Variants in SARNP observed in about 807,000 individuals in gnomAD.
SARNP encodes the protein SAP domain-containing ribonucleoprotein.
Under a neutral mutation model 38.1 loss-of-function variants are expected in SARNP, and 5 were observed. That is an observed-to-expected ratio of 0.13 (90% CI 0.07 to 0.28). The LOEUF (loss-of-function observed/expected upper bound fraction) is 0.28, where lower values mean the gene tolerates loss of function less well. Ranked by LOEUF, SARNP falls within the 10% of genes least tolerant of loss-of-function variation. The pLI, the probability that SARNP is intolerant of heterozygous loss-of-function variation, is 1.00. For missense variants in SARNP, 180 were observed against 243.9 expected, an observed-to-expected ratio of 0.74 and a Z score of 1.75; for synonymous variants, 84 against 80.6, an observed-to-expected ratio of 1.04 and a Z score of -0.23.
intron 1 of SARNP, among the ~76,000 whole-genome samples, chr12:55,808,672 G>C (rs563776751): frequency 6.6e-6 from 1 of 151,830 alleles, no homozygotes; most frequent in African/African-American, 2.4e-5. Flanking sequence ...GAGGTGGGAG[G>C]AACGCTTGAA....
At chr12:55,816,062 G>C (rs1764781625) in intron 1 of SARNP, 1 of 152,170 alleles carries the variant, frequency 6.6e-6, no homozygotes, top group Admixed American at 6.5e-5. Flanking sequence ...TTACGTAAAA[G>C]TTACTTATCC....
chr12:55,763,785 G>A (rs990657048), intron 9 of SARNP, among the ~76,000 whole-genome samples: 1 of 152,076 alleles, frequency 6.6e-6, no homozygotes, highest in Admixed American at 6.6e-5. Context: ...CTATGGAGTA[G>A]GCACAGCAAT....
At chr12:55,764,832 C>CA (rs1162009254) in intron 9 of SARNP, among the ~76,000 whole-genome samples, 5,081 of 61,808 alleles carry the variant, frequency 0.082, 198 homozygotes, top group Non-Finnish European at 0.14. Context: ...CTCTGTCTCA[C>CA]AAAAAAAAAA....
intron 9 of SARNP, among the ~76,000 whole-genome samples, chr12:55,788,598 A>T (rs568766791): frequency 3.3e-5 from 5 of 152,252 alleles, no homozygotes; most frequent in African/African-American, 1.2e-4. Flanking sequence ...GGAGTTTGAG[A>T]CCAGCTTGGG....
chr12:55,764,203 T>C (rs1488900867), intron 9 of SARNP, among the ~76,000 whole-genome samples: 2 of 152,200 alleles, frequency 1.3e-5, no homozygotes, highest in African/African-American at 4.8e-5. Flanking sequence ...TTTTGCTTAA[T>C]TGGCTATTCC....
intron 10 of SARNP, among the ~76,000 whole-genome samples, chr12:55,760,219 CCAGA>C (rs1335478348): frequency 1.3e-5 from 2 of 152,032 alleles, no homozygotes; most frequent in Non-Finnish European, 2.9e-5. Flanking sequence ...AGGTGGGTGG[CCAGA>C]CATAGTGGCT....
At chr12:55,807,909 T>C (rs1880204694) in intron 1 of SARNP, among the ~76,000 whole-genome samples, 1 of 152,172 alleles carries the variant, frequency 6.6e-6, no homozygotes, top group African/African-American at 2.4e-5. Context: ...AGTCTTTTGA[T>C]CTTAATTACA....
chr12:55,801,365 C>A (rs1242064086), intron 2 of SARNP, among the ~76,000 whole-genome samples: 1 of 152,082 alleles, frequency 6.6e-6, no homozygotes, highest in Admixed American at 6.6e-5. Flanking sequence ...ATTACTTGAA[C>A]CCAGAAGGCA....
intron 9 of SARNP, among the ~76,000 whole-genome samples, chr12:55,774,882 TG>T (rs1484586192): frequency 1.6e-4 from 23 of 142,824 alleles, no homozygotes; most frequent in East Asian, 1.4e-3. Flanking sequence ...CATTTCTATT[TG>T]TTTTTTTTTT....
intron 1 of SARNP, among the ~76,000 whole-genome samples, chr12:55,807,207 A>G (rs1312341792): frequency 6.6e-6 from 1 of 152,160 alleles, no homozygotes; most frequent in Non-Finnish European, 1.5e-5. Context: ...GAGCGTAGTG[A>G]CTTGGATATA....
chr12:55,802,762 A>G (rs1880018647), intron 2 of SARNP, among the ~76,000 whole-genome samples: 2 of 151,564 alleles, frequency 1.3e-5, no homozygotes, highest in Non-Finnish European at 2.9e-5. Flanking sequence ...ATAGTATACT[A>G]TAAGTAGTAT....
chr12:55,768,394 T>C (rs1486586192), intron 9 of SARNP, among the ~76,000 whole-genome samples: 1 of 151,804 alleles, frequency 6.6e-6, no homozygotes, highest in Non-Finnish European at 1.5e-5. Context: ...CCTCCCACAG[T>C]GCTGGGATTA....
In SARNP at chr12:55,788,955, T is replaced by C. The variant is rs1264948864; in HGVS notation, c.501+120A>G. On this transcript the variant is annotated intron_variant, in intron 9 of 10. Transcript: ENST00000336133. ...TGAGAGGAGGTGACAGTCAATCAAGTATGTGAAATGAAATGCTTTGTAGCC... is the reference window on the plus strand; with the variant it reads ...TGAGAGGAGGTGACAGTCAATCAAGCATGTGAAATGAAATGCTTTGTAGCC... 3 of 700,158 alleles carry C rather than the reference T, an allele frequency of 4.3e-6. No individual in the cohort carries two copies. The Admixed American group carries it at 8.3e-5, about 19-fold the overall frequency. 43.4% of individuals were successfully genotyped at this position (700,158 alleles called of 1,614,324 possible). A position where few individuals can be genotyped will look rare whatever the true frequency, so the allele number is the denominator to read the frequency against.
chr12:55,793,172 C>G (rs1357497446), intron 7 of SARNP: 1 of 152,226 alleles, frequency 6.6e-6, no homozygotes, highest in African/African-American at 2.4e-5. Context: ...GTCCCAGCTA[C>G]TCAGGAGGCT....
At chr12:55,803,446 T>G (rs1167360321) in intron 2 of SARNP, among the ~76,000 whole-genome samples, 183 bp downstream of exon 2, 1 of 150,010 alleles carries the variant, frequency 6.7e-6, no homozygotes, top group African/African-American at 2.5e-5. Flanking sequence ...ACTGCGTCAC[T>G]GCACTCCAGC....
intron 9 of SARNP, among the ~76,000 whole-genome samples, chr12:55,771,296 A>G (rs1310041723): frequency 6.6e-6 from 1 of 152,194 alleles, no homozygotes; most frequent in Non-Finnish European, 1.5e-5. Flanking sequence ...ACTCCGGATC[A>G]TATAAAAAGA....
intron 10 of SARNP, among the ~76,000 whole-genome samples, chr12:55,759,793 A>G (rs1878621032): frequency 6.6e-6 from 1 of 152,002 alleles, no homozygotes; most frequent in South Asian, 2.1e-4. Flanking sequence ...GCTGGAGTAC[A>G]GTGGCGCCAT....
chr12:55,816,352 T>C (rs1880484267), intron 1 of SARNP, among the ~76,000 whole-genome samples: 2 of 152,206 alleles, frequency 1.3e-5, no homozygotes, highest in African/African-American at 4.8e-5. Flanking sequence ...GTGGAGATGA[T>C]TGCTCAATTT....
intron 9 of SARNP, among the ~76,000 whole-genome samples, chr12:55,766,618 G>GA (rs1416856527): frequency 1.9e-5 from 1 of 52,334 alleles, no homozygotes; most frequent in African/African-American, 1.1e-4. Flanking sequence ...TTTTTTGGCG[G>GA]GGGGGGGGGG....
Sources: allele counts gnomAD v4.1 joint callset (sites outside exome capture counted in the v4.1 genomes callset), GRCh38; gene constraint gnomAD v4.1.1; transcripts MANE v1.5; gene names NCBI Gene and HGNC (gene_info 2026-07-23, HGNC 2026-07-21).